Variants in GRAMD1B observed in about 807,000 individuals in gnomAD.
GRAMD1B encodes the protein GRAM domain containing 1B, also known as protein Aster-B.
In GRAMD1B, 37 loss-of-function variants were observed where a neutral mutation model predicts 99.7. The observed-to-expected ratio is 0.37, with a 90% CI of 0.29 to 0.49. The LOEUF (loss-of-function observed/expected upper bound fraction) is 0.49. Among genes scored for constraint, GRAMD1B ranks in the 20% least tolerant of loss-of-function variants. The probability of loss-of-function intolerance (pLI) is 0.98; values close to 1 mark genes in which losing one functional copy is unlikely to be tolerated. For missense variants in GRAMD1B, 888 were observed against 1,009.2 expected, an observed-to-expected ratio of 0.88 and a Z score of 1.63; for synonymous variants, 427 against 387.6, an observed-to-expected ratio of 1.10 and a Z score of -1.19.
At chr11:123,494,419 CTTT>C (rs772746624) in intron 2 of GRAMD1B, among the ~76,000 whole-genome samples, 3 of 138,602 alleles carry the variant, frequency 2.2e-5, no homozygotes, top group Admixed American at 7.3e-5. Context: ...CACTTAAGGC[CTTT>C]TTTTTTTTTT....
chr11:123,613,101 A>G, intron 15 of GRAMD1B: 2 of 564,026 alleles, frequency 3.5e-6, no homozygotes, highest in South Asian at 4.6e-5. Flanking sequence ...GGATCTATAA[A>G]ACACCCCTCA....
chr11:123,453,345 C>T (rs112402363), intron 1 of GRAMD1B, among the ~76,000 whole-genome samples: 6,329 of 152,008 alleles, frequency 0.042, 169 homozygotes, highest in Middle Eastern at 0.071. Flanking sequence ...TTAAGACAAT[C>T]TCACTCTGTC....
chr11:123,566,400 C>T (rs1195091720), intron 2 of GRAMD1B, among the ~76,000 whole-genome samples: 2 of 152,104 alleles, frequency 1.3e-5, no homozygotes, highest in Non-Finnish European at 2.9e-5. Flanking sequence ...TTTAAAAAGG[C>T]AGATTTGGGG....
chr11:123,402,282 G>T (rs966079472), intron 1 of GRAMD1B, among the ~76,000 whole-genome samples: 1 of 152,156 alleles, frequency 6.6e-6, no homozygotes. Flanking sequence ...TCCCCAAAGT[G>T]CTGGGATTAC....
chr11:123,487,151 A>G (rs768087142), intron 2 of GRAMD1B, among the ~76,000 whole-genome samples: 27 of 152,230 alleles, frequency 1.8e-4, no homozygotes, highest in South Asian at 2.1e-4. Flanking sequence ...ATTTTTAAAT[A>G]TATTCCTCTC....
intron 3 of GRAMD1B, among the ~76,000 whole-genome samples, chr11:123,580,008 C>T (rs1320677526): frequency 6.6e-6 from 1 of 152,208 alleles, no homozygotes; most frequent in Non-Finnish European, 1.5e-5. Context: ...ACGCCATGCC[C>T]ATCCCTGGCA....
At chr11:123,393,679 TTTG>T (rs1279206890) in intron 1 of GRAMD1B, among the ~76,000 whole-genome samples, 2 of 152,266 alleles carry the variant, frequency 1.3e-5, no homozygotes, top group East Asian at 3.9e-4. Context: ...GTGGTTTTTG[TTTG>T]TTTTGTTTAT....
intron 3 of GRAMD1B, among the ~76,000 whole-genome samples, chr11:123,584,076 C>G (rs956676223): frequency 6.4e-4 from 98 of 151,988 alleles, no homozygotes; most frequent in Non-Finnish European, 1.2e-3. Context: ...CTGGTGCTGC[C>G]GCTGCCTGCC....
rs185069619 is a variant in GRAMD1B at position 123,408,287 on chromosome 11, A to C, written c.-176+49488A>C. Among the ~76,000 whole-genome samples the C allele has an allele frequency of 1.1e-4, 17 of 152,364 alleles. No homozygotes were observed. In the East Asian group the frequency reaches 1.7e-3, roughly 16 times the overall value. On this transcript the variant is annotated intron_variant, in intron 1 of 20. Transcript: ENST00000638157. Reference sequence around the variant, plus strand: ...TGAAGTGAAATGGAAAGGAATTCTAACATGGCATTACACTGGTGGAGAAAA... The same window carrying C: ...TGAAGTGAAATGGAAAGGAATTCTACCATGGCATTACACTGGTGGAGAAAA...
At chr11:123,394,075 T>C (rs763833598) in intron 1 of GRAMD1B, among the ~76,000 whole-genome samples, 63 of 152,208 alleles carry the variant, frequency 4.1e-4, no homozygotes, top group Non-Finnish European at 7.9e-4. Context: ...TTCTTGTTAC[T>C]AAGATGATCA....
chr11:123,617,897 T>C (rs1200794970), intron 17 of GRAMD1B, among the ~76,000 whole-genome samples: 1 of 151,994 alleles, frequency 6.6e-6, no homozygotes, highest in Non-Finnish European at 1.5e-5. Flanking sequence ...GATCCTTGCC[T>C]CCCCTGTCTC....
chr11:123,528,813 T>A (rs1001384374), intron 2 of GRAMD1B, among the ~76,000 whole-genome samples: 1 of 152,196 alleles, frequency 6.6e-6, no homozygotes, highest in Non-Finnish European at 1.5e-5. Context: ...AGCTGGTGTC[T>A]CCATTTCAGA....
intron 3 of GRAMD1B, among the ~76,000 whole-genome samples, chr11:123,583,110 G>A (rs1468781843): frequency 6.6e-6 from 1 of 152,150 alleles, no homozygotes; most frequent in African/African-American, 2.4e-5. Flanking sequence ...GTATATGTGT[G>A]TGTATATGTG....
intron 2 of GRAMD1B, among the ~76,000 whole-genome samples, chr11:123,555,790 A>G (rs1386520299): frequency 2.6e-5 from 4 of 152,052 alleles, no homozygotes; most frequent in Non-Finnish European, 4.4e-5. Flanking sequence ...CTGGAGCACA[A>G]TGGCACGATC....
intron 2 of GRAMD1B, among the ~76,000 whole-genome samples, chr11:123,523,060 G>A (rs1037725031): frequency 2.0e-5 from 3 of 152,128 alleles, no homozygotes; most frequent in Non-Finnish European, 4.4e-5. Flanking sequence ...GGCTGGGCGC[G>A]GTGGCTCATG....
At chr11:123,586,583 T>G (rs557125010) in intron 4 of GRAMD1B, among the ~76,000 whole-genome samples, 1 of 152,306 alleles carries the variant, frequency 6.6e-6, no homozygotes, top group African/African-American at 2.4e-5. Flanking sequence ...CAGTGTGCAG[T>G]GCTCATGTCC....
At chr11:123,589,104 C>T (rs757115281) in intron 4 of GRAMD1B, among the ~76,000 whole-genome samples, 32 of 151,666 alleles carry the variant, frequency 2.1e-4, no homozygotes, top group Admixed American at 1.5e-3. Flanking sequence ...CAGCGTGTCA[C>T]GTGAGGTCAG....
At chr11:123,616,753 G>T (rs911318784) in intron 17 of GRAMD1B, among the ~76,000 whole-genome samples, 1 of 152,308 alleles carries the variant, frequency 6.6e-6, no homozygotes, top group Middle Eastern at 3.4e-3. Context: ...CGACAACTGC[G>T]CAGGCTTCAC....
intron 1 of GRAMD1B, among the ~76,000 whole-genome samples, chr11:123,432,292 C>T (rs866102911): frequency 8.5e-5 from 13 of 152,106 alleles, no homozygotes; most frequent in South Asian, 2.1e-4. Context: ...CACAGTGGCT[C>T]ACACCTGTAA....
Sources: allele counts gnomAD v4.1 joint callset (sites outside exome capture counted in the v4.1 genomes callset), GRCh38; gene constraint gnomAD v4.1.1; transcripts MANE v1.5; gene names NCBI Gene and HGNC (gene_info 2026-07-23, HGNC 2026-07-21).